CDH13: variants seen among roughly 807,000 people sequenced by gnomAD.
The protein encoded by CDH13 is cadherin 13.
A neutral mutation model predicts 63.8 loss-of-function variants in CDH13; 24 were observed. The ratio of observed to expected loss-of-function variants is 0.38; its 90% CI spans 0.27 to 0.53. The LOEUF (loss-of-function observed/expected upper bound fraction) is 0.53, where lower values mean the gene tolerates loss of function less well. CDH13 is among the 20% of genes least tolerant of loss of function. The pLI is 0.85. For missense variants in CDH13, 1,049 were observed against 903.1 expected, an observed-to-expected ratio of 1.16 and a Z score of -2.07; for synonymous variants, 503 against 355.3, an observed-to-expected ratio of 1.42 and a Z score of -4.67.
intron 3 of CDH13, among the ~76,000 whole-genome samples, chr16:83,094,594 A>C (rs1309205588): frequency 2.0e-5 from 3 of 152,154 alleles, no homozygotes; most frequent in African/African-American, 7.2e-5. Context: ...AGCAGAAGGC[A>C]AGGCCTCTTA....
At chr16:83,170,500 A>G (rs9939134) in intron 4 of CDH13, among the ~76,000 whole-genome samples, 2,473 of 152,238 alleles carry the variant, frequency 0.016, 83 homozygotes, top group African/African-American at 0.056. Context: ...AAACTCACCA[A>G]TACAATTTCC....
At chr16:83,425,770 T>C (rs1339487436) in intron 6 of CDH13, among the ~76,000 whole-genome samples, 1 of 152,202 alleles carries the variant, frequency 6.6e-6, no homozygotes, top group Non-Finnish European at 1.5e-5. Context: ...TTTTTCTTTC[T>C]TCCTTTGTCT....
chr16:82,928,164 ATGTGTGTGTGTGTGTGTG>A (rs5818417), intron 2 of CDH13, among the ~76,000 whole-genome samples: 4 of 151,034 alleles, frequency 2.6e-5, no homozygotes, highest in Admixed American at 1.3e-4. Flanking sequence ...GCAGTCGTGT[ATGTGTGTGTGTGTGTGTG>A]TGTGTGTATG....
intron 4 of CDH13, among the ~76,000 whole-genome samples, chr16:83,179,907 T>G (rs1443570182): frequency 2.0e-5 from 3 of 152,140 alleles, no homozygotes; most frequent in African/African-American, 7.2e-5. Flanking sequence ...TTTTTTTAAT[T>G]TATAAGTGCT....
At chr16:82,940,686 A>G (rs762634180) in intron 2 of CDH13, among the ~76,000 whole-genome samples, 2 of 152,134 alleles carry the variant, frequency 1.3e-5, no homozygotes, top group South Asian at 2.1e-4. Flanking sequence ...TTTTGCTCAC[A>G]CATACTGTGG....
chr16:83,114,398 G>A (rs1321512183), intron 3 of CDH13, among the ~76,000 whole-genome samples: 1 of 152,208 alleles, frequency 6.6e-6, no homozygotes, highest in African/African-American at 2.4e-5. Context: ...TCTCCCGTAT[G>A]GGGGTGCTTG....
chr16:83,783,578 G>A (rs1791359271), intron 13 of CDH13, 106 bp downstream of exon 13: 1 of 872,100 alleles, frequency 1.1e-6, no homozygotes, highest in Non-Finnish European at 1.9e-6. Flanking sequence ...ATGTTTCCCA[G>A]AAGAATCATT....
intron 2 of CDH13, among the ~76,000 whole-genome samples, chr16:82,929,673 A>AAAAAAAAAAAAAAAAAAAAAAAAAAAAAC (rs2042419344): frequency 6.9e-6 from 1 of 145,766 alleles, no homozygotes; most frequent in Non-Finnish European, 1.5e-5. Flanking sequence ...AAAAAAAAAA[A>AAAAAAAAAAAAAAAAAAAAAAAAAAAAAC]AAAAAAAAAA....
intron 2 of CDH13, among the ~76,000 whole-genome samples, chr16:83,028,314 G>C (rs1249669962): frequency 6.6e-6 from 1 of 152,226 alleles, no homozygotes; most frequent in Admixed American, 6.5e-5. Context: ...CTACCAACAT[G>C]GTTAGAGAAA....
intron 6 of CDH13, among the ~76,000 whole-genome samples, chr16:83,391,373 T>G (rs1326788732): frequency 6.6e-6 from 1 of 151,816 alleles, no homozygotes; most frequent in Non-Finnish European, 1.5e-5. Context: ...ACCCAGCTAA[T>G]TTTTGTATTT....
At chr16:82,898,764 G>GTAGTGGA (rs2041355662) in intron 2 of CDH13, among the ~76,000 whole-genome samples, 1 of 152,226 alleles carries the variant, frequency 6.6e-6, no homozygotes, top group Admixed American at 6.5e-5. Context: ...GAAGGGTGGA[G>GTAGTGGA]TAGTGGAGAG....
chr16:82,879,322 A>G (rs1463351318), intron 2 of CDH13, among the ~76,000 whole-genome samples: 1 of 151,812 alleles, frequency 6.6e-6, no homozygotes, highest in Non-Finnish European at 1.5e-5. Context: ...AGGCTGGTAC[A>G]GTCTCTGCTT....
At chr16:83,660,427 T>A (rs1187624826) in intron 8 of CDH13, among the ~76,000 whole-genome samples, 3 of 152,116 alleles carry the variant, frequency 2.0e-5, no homozygotes, top group African/African-American at 7.2e-5. Flanking sequence ...CCTATGAGAA[T>A]CTAATGCCAC....
intron 2 of CDH13, among the ~76,000 whole-genome samples, chr16:82,890,988 T>C (rs1305268810): frequency 6.6e-6 from 1 of 151,702 alleles, no homozygotes; most frequent in African/African-American, 2.4e-5. Context: ...GGGTAGGCAC[T>C]TGAAGCCCAG....
intron 7 of CDH13, among the ~76,000 whole-genome samples, chr16:83,570,594 T>G (rs1904485185): frequency 6.6e-6 from 1 of 151,682 alleles, no homozygotes; most frequent in Non-Finnish European, 1.5e-5. Flanking sequence ...ATGCAATCAC[T>G]GGAAAAGACG....
intron 4 of CDH13, among the ~76,000 whole-genome samples, chr16:83,204,616 G>A (rs1222487044): frequency 3.3e-5 from 5 of 152,164 alleles, no homozygotes; most frequent in Non-Finnish European, 7.3e-5. Context: ...GCCCTGAACT[G>A]GGATGCAGAT....
intron 4 of CDH13, among the ~76,000 whole-genome samples, chr16:83,174,079 C>T (rs1597464266): frequency 9.3e-6 from 1 of 107,450 alleles, no homozygotes; most frequent in Non-Finnish European, 1.9e-5. Flanking sequence ...AAATCTGATG[C>T]CTTGAGGCTG....
At chr16:83,437,358 T>G (rs1339077421) in intron 6 of CDH13, among the ~76,000 whole-genome samples, 1 of 152,180 alleles carries the variant, frequency 6.6e-6, no homozygotes, top group Admixed American at 6.5e-5. Context: ...GTACTCAGCT[T>G]AATAATGTAC....
rs761737406 is a variant in CDH13 at position 82,644,756 on chromosome 16, A to G, written c.45+17619A>G. Among the ~76,000 whole-genome samples, 2 of 152,130 alleles carry G rather than the reference A, an allele frequency of 1.3e-5. No homozygotes were observed. The highest frequency in any genetic ancestry group is 2.9e-5 in the Non-Finnish European group (2 of 68,038). ...GTCCGCTGGGCTCCCTCTGATTCTT[A>G]AAGCCTTTCCAGGTAGCAACAGGAG... On this transcript the variant is annotated intron_variant, in intron 1 of 13. Coordinates refer to ENST00000567109, the MANE Select transcript of CDH13 (RefSeq NM_001257.5). The surrounding 1 kb of genome is among the most constrained non-coding windows in gnomAD (Gnocchi z 5.7).
Sources: allele counts gnomAD v4.1 joint callset (sites outside exome capture counted in the v4.1 genomes callset), GRCh38; gene constraint gnomAD v4.1.1; non-coding constraint Gnocchi (gnomAD v3.1); transcripts MANE v1.5; gene names NCBI Gene and HGNC (gene_info 2026-07-23, HGNC 2026-07-21).